EFTUD2: variants seen among roughly 807,000 people sequenced by gnomAD.
The protein encoded by EFTUD2 is 116 kDa U5 small nuclear ribonucleoprotein component.
A neutral mutation model predicts 114.3 loss-of-function variants in EFTUD2; 9 were observed. The observed-to-expected ratio is 0.08, with a 90% CI of 0.05 to 0.14. The LOEUF is 0.14. Among genes scored for constraint, EFTUD2 ranks in the 10% least tolerant of loss-of-function variants. The probability of loss-of-function intolerance (pLI) is 1.00; values close to 1 mark genes in which losing one functional copy is unlikely to be tolerated. For missense variants in EFTUD2, 765 were observed against 1,241.2 expected, an observed-to-expected ratio of 0.62 and a Z score of 5.76; for synonymous variants, 449 against 462.3, an observed-to-expected ratio of 0.97 and a Z score of 0.37.
intron 3 of EFTUD2, 35 bp from the exon 4 acceptor site, chr17:44,885,369 G>A (rs1373114633): frequency 1.4e-6 from 2 of 1,445,636 alleles, no homozygotes; most frequent in African/African-American, 1.4e-5. Flanking sequence ...ATGTGTAGGT[G>A]GGCATAAAAC....
chr17:44,868,203 C>T (rs966836801), intron 12 of EFTUD2, 84 bp downstream of exon 12: 138 of 1,211,466 alleles, frequency 1.1e-4, no homozygotes, highest in Non-Finnish European at 1.5e-4. Context: ...GGTATTTAAT[C>T]TTTGAACTCA....
intron 9 of EFTUD2, among the ~76,000 whole-genome samples, chr17:44,876,875 A>AAAAC (rs2050966473): frequency 6.9e-6 from 1 of 144,534 alleles, no homozygotes; most frequent in African/African-American, 2.5e-5. Flanking sequence ...AAAAAAAAAA[A>AAAAC]AAAAAACTAC....
chr17:44,856,719 C>A (rs1226975039), intron 20 of EFTUD2, among the ~76,000 whole-genome samples: 3 of 146,754 alleles, frequency 2.0e-5, no homozygotes. Context: ...GGGAGGATTG[C>A]TTAAGCCCAG....
chr17:44,852,908 C>A (rs560044154), intron 25 of EFTUD2, among the ~76,000 whole-genome samples: 1 of 150,860 alleles, frequency 6.6e-6, no homozygotes, highest in Non-Finnish European at 1.5e-5. Flanking sequence ...TGAGACAGAG[C>A]CTTGCTCTGT....
Position 44,881,688 on chromosome 17 carries a change from T to G in EFTUD2, c.527A>C (p.Glu176Ala). The change falls in exon 7 of 28, where the codon GAG (glutamate) becomes GCG (alanine). Residue 176 changes from glutamate to alanine, a missense_variant and splice_region_variant. This residue lies in a region of EFTUD2 where 251 missense variants were observed against 357.7 expected (regional missense o/e 0.70). Coordinates refer to ENST00000426333, the MANE Select transcript of EFTUD2 (RefSeq NM_004247.4). ...TCAGATTCCCCAAGGCATGCTTACC[T>G]CTTGCTCTGTGAAGAGGATGTCAGT... ...CYTDILFTEQ[E>A]RGVGIKSTPV... The G allele has an allele frequency of 6.2e-7, 1 of 1,614,158 alleles. No homozygotes were observed. Among genetic ancestry groups the G allele is most frequent in the Non-Finnish European group, 8.5e-7 (1 of 1,180,010 alleles).
Position 44,872,496 on chromosome 17 carries a change from C to T in EFTUD2, c.944G>A (p.Ser315Asn), listed in dbSNP as rs1356001570. The T allele has an allele frequency of 2.5e-6, 4 of 1,613,334 alleles. No individual in the cohort carries two copies. The African/African-American group carries it at 4.0e-5, about 16-fold the overall frequency. Residue 315 changes from serine (S) to asparagine (N), a missense_variant, in exon 11 of 28, where the codon AGC (serine) becomes AAC (asparagine). By Grantham distance (46) the Ser-to-Asn change is conservative. Around this residue, in one of 6 missense-constraint regions of EFTUD2, gnomAD observed 251 missense variants for 357.7 expected, o/e 0.70. Transcript: ENST00000426333. ...GNVCFSSSQYSICFTLGSFAK... is the reference protein window; with the variant it reads ...GNVCFSSSQYNICFTLGSFAK... Reference sequence around the variant, plus strand: ...AAAGGAGCCCAGCGTGAAGCAGATGCTGTACTGGGAGCTGGAGAAGCAGAC... The same window carrying T: ...AAAGGAGCCCAGCGTGAAGCAGATGTTGTACTGGGAGCTGGAGAAGCAGAC...
intron 18 of EFTUD2, 147 bp from the exon 19 acceptor site, chr17:44,859,328 G>A (rs2050614178): frequency 4.6e-6 from 3 of 659,030 alleles, no homozygotes; most frequent in Non-Finnish European, 8.2e-6. Context: ...AGAAGGTTCA[G>A]TGAGGAGCAT....
At chr17:44,884,036 GT>G in intron 4 of EFTUD2, 23 of 321,758 alleles carry the variant, frequency 7.1e-5, no homozygotes, top group Non-Finnish European at 1.2e-4. Flanking sequence ...GGAGGCCGAG[GT>G]GGGTGGATTA....
intron 9 of EFTUD2, 126 bp downstream of exon 9, chr17:44,879,430 T>A (rs17628363): frequency 4.4e-6 from 4 of 916,064 alleles, no homozygotes; most frequent in Non-Finnish European, 6.9e-6. Context: ...TAGAGCAAAT[T>A]TGAGCCTTAA....
rs1405484053 is a variant in EFTUD2, at chr17:44,868,861, A to C, written c.995-511T>G. Among the ~76,000 whole-genome samples, 16 of 152,186 alleles carry C rather than the reference A, an allele frequency of 1.1e-4. No individual in the cohort carries two copies. In the East Asian group the frequency reaches 2.7e-3, roughly 26 times the overall value. On this transcript the variant is annotated intron_variant, in intron 11 of 27. Coordinates refer to ENST00000426333, the MANE Select transcript of EFTUD2 (RefSeq NM_004247.4). ...TTACTCAGCCCTCTCGAGAGAAAACACCAAAGCCAACCTTTGGCTCATCTT... is the reference window on the plus strand; with the variant it reads ...TTACTCAGCCCTCTCGAGAGAAAACCCCAAAGCCAACCTTTGGCTCATCTT...
intron 1 of EFTUD2, among the ~76,000 whole-genome samples, chr17:44,896,974 T>C (rs1264194917): frequency 6.6e-6 from 1 of 152,110 alleles, no homozygotes; most frequent in African/African-American, 2.4e-5. Flanking sequence ...CCCAGCACTT[T>C]GGGAGGCTGA....
At chr17:44,864,800 T>C (rs2050716231) in intron 14 of EFTUD2, 130 bp downstream of exon 14, 11 of 1,386,554 alleles carry the variant, frequency 7.9e-6, no homozygotes, top group Non-Finnish European at 1.1e-5. Flanking sequence ...GTGTTCTGCA[T>C]CTGAATCTGT....
At chr17:44,862,635 G>A (rs1379116536) in intron 16 of EFTUD2, 78 bp downstream of exon 16, 2 of 1,385,750 alleles carry the variant, frequency 1.4e-6, no homozygotes, top group African/African-American at 1.4e-5. Context: ...TTCCAAGGAG[G>A]ATCACTCCTT....
intron 19 of EFTUD2, among the ~76,000 whole-genome samples, chr17:44,858,793 G>C (rs1307175232): frequency 6.6e-6 from 1 of 151,940 alleles, no homozygotes; most frequent in African/African-American, 2.4e-5. Flanking sequence ...TCACTTTGTT[G>C]CTCAGGTTGG....
chr17:44,851,852 G>T (rs1371897060), intron 26 of EFTUD2, 35 bp from the exon 27 acceptor site: 1 of 1,561,528 alleles, frequency 6.4e-7, no homozygotes, highest in East Asian at 2.3e-5. Context: ...GGCCCAGGCA[G>T]AATTCCCAGA....
At position 44,851,377 on chromosome 17, in the gene EFTUD2, G is replaced by C; in HGVS notation, c.2824-8C>G. 1 of 1,610,676 alleles carries C rather than the reference G, an allele frequency of 6.2e-7. No individual in the cohort carries two copies. Among genetic ancestry groups the C allele is most frequent in the South Asian group, 1.1e-5 (1 of 91,000 alleles). On this transcript the variant is annotated splice_polypyrimidine_tract_variant and splice_region_variant and intron_variant, in intron 27 of 27. Coordinates refer to ENST00000426333, the MANE Select transcript of EFTUD2 (RefSeq NM_004247.4). ...CACATCTTCACTGAGGCCCTGCAGGGAATGGGGCAAATATAAGAAAGCCCG... is the reference window on the plus strand; with the variant it reads ...CACATCTTCACTGAGGCCCTGCAGGCAATGGGGCAAATATAAGAAAGCCCG...
In EFTUD2 at chr17:44,855,021, T is replaced by C. The variant is rs1281492945; in HGVS notation, c.2046-17A>G. The C allele has an allele frequency of 2.5e-6, 4 of 1,609,926 alleles. No homozygotes were observed. The highest frequency in any genetic ancestry group is 1.1e-5 in the South Asian group (1 of 91,000). Reference sequence around the variant, plus strand: ...ATCTTGTTCCTGGTCAGAATGGAAATGGGTGGTAAGGACGGCTAACAGAAC... The same window carrying C: ...ATCTTGTTCCTGGTCAGAATGGAAACGGGTGGTAAGGACGGCTAACAGAAC... On this transcript the variant is annotated splice_polypyrimidine_tract_variant and intron_variant, in intron 20 of 27. Coordinates refer to ENST00000426333, the MANE Select transcript of EFTUD2 (RefSeq NM_004247.4).
intron 9 of EFTUD2, among the ~76,000 whole-genome samples, chr17:44,878,328 A>G (rs2051006360): frequency 6.6e-6 from 1 of 152,218 alleles, no homozygotes; most frequent in African/African-American, 2.4e-5. Context: ...ATTGAAAGAC[A>G]TTCTACAAAA....
intron 2 of EFTUD2, among the ~76,000 whole-genome samples, chr17:44,893,439 G>C (rs2051319141): frequency 6.6e-6 from 1 of 152,128 alleles, no homozygotes; most frequent in South Asian, 2.1e-4. Flanking sequence ...TTGCTTTTAT[G>C]CATCTCTGAA....
Sources: allele counts gnomAD v4.1 joint callset (sites outside exome capture counted in the v4.1 genomes callset), GRCh38; gene constraint gnomAD v4.1.1; regional missense constraint gnomAD v4.1.1; transcripts MANE v1.5; gene names NCBI Gene and HGNC (gene_info 2026-07-23, HGNC 2026-07-21).